DLG2: variants seen among roughly 807,000 people sequenced by gnomAD.
The protein encoded by DLG2 is discs large MAGUK scaffold protein 2, also known as disks large homolog 2.
A neutral mutation model predicts 132.5 loss-of-function variants in DLG2; 45 were observed. The ratio of observed to expected loss-of-function variants is 0.34; its 90% CI spans 0.27 to 0.44. DLG2 has a LOEUF of 0.44. Ranked by LOEUF, DLG2 falls within the 20% of genes least tolerant of loss-of-function variation. DLG2 has a pLI of 1.00. For missense variants in DLG2, 1,045 were observed against 1,196.9 expected (o/e 0.87, Z 1.87); for synonymous variants, 424 against 419.6 (o/e 1.01, Z -0.13).
rs138405875 is a variant in DLG2, at chr11:83,819,668, T to C, written c.1722+13946A>G. Among the ~76,000 whole-genome samples, 176 of 152,180 alleles carry C rather than the reference T, an allele frequency of 1.2e-3. 3 individuals carry two copies. In the East Asian group the frequency reaches 0.027, roughly 24 times the overall value. ...ATAGGCAATAAATGTTCCTGGAATA[T>C]GTTTTACAGCAACATTGGTCCATCA... On this transcript the variant is annotated intron_variant, in intron 17 of 27. Transcript: ENST00000376104.
At chr11:85,268,687 T>C (rs569563671) in intron 4 of DLG2, among the ~76,000 whole-genome samples, 1 of 152,222 alleles carries the variant, frequency 6.6e-6, no homozygotes, top group Non-Finnish European at 1.5e-5. Flanking sequence ...TGACTTTATG[T>C]CAGGTAGCAC....
chr11:85,173,179 C>T (rs998767098), intron 4 of DLG2, among the ~76,000 whole-genome samples: 10 of 152,034 alleles, frequency 6.6e-5, no homozygotes, highest in Non-Finnish European at 1.3e-4. Context: ...GTCAGATTCT[C>T]CTAGGTTGAA....
chr11:83,743,418 G>A (rs1377657033), intron 18 of DLG2, among the ~76,000 whole-genome samples: 1 of 107,936 alleles, frequency 9.3e-6, no homozygotes, highest in Non-Finnish European at 1.7e-5. Context: ...GTACATAACA[G>A]TGGGCAGGCC....
intron 7 of DLG2, among the ~76,000 whole-genome samples, chr11:84,305,601 C>T (rs367934755): frequency 6.6e-6 from 1 of 152,070 alleles, no homozygotes; most frequent in Non-Finnish European, 1.5e-5. Flanking sequence ...AGCTAGTTAT[C>T]TGTCTATCTA....
chr11:83,844,547 C>CAAAAAAAAAAAAAAAAAAAAAAAAAA lies in DLG2; in HGVS notation c.1566-10778_1566-10777insTTTTTTTTTTTTTTTTTTTTTTTTTT, dbSNP rs59755957. ...TAGGCAACAGAGTGAGAGTCTGTAT[C>CAAAAAAAAAAAAAAAAAAAAAAAAAA]AAAAAAAAAAAAAAAAAAAAAAAGG... is the stretch of plus-strand genomic sequence containing the variant. On this transcript the variant is annotated intron_variant, in intron 16 of 27. Coordinates refer to ENST00000376104, the MANE Select transcript of DLG2 (RefSeq NM_001142699.3). Among the ~76,000 whole-genome samples, 3 of 70,658 alleles carry CAAAAAAAAAAAAAAAAAAAAAAAAAA rather than the reference C, an allele frequency of 4.2e-5. 1 individual carries two copies. Among genetic ancestry groups the CAAAAAAAAAAAAAAAAAAAAAAAAAA allele is most frequent in the Admixed American group, 4.1e-4 (2 of 4,846 alleles). The allele number at this position is 70,658 out of a possible 152,430, so 46.4% of individuals were successfully genotyped here.
chr11:85,227,280 C>T (rs928101973), intron 4 of DLG2, among the ~76,000 whole-genome samples: 9 of 151,894 alleles, frequency 5.9e-5, no homozygotes, highest in African/African-American at 2.2e-4. Context: ...ATAAAGATTA[C>T]CAGTTTGTAA....
intron 19 of DLG2, among the ~76,000 whole-genome samples, chr11:83,606,020 T>C (rs928784349): frequency 6.6e-6 from 1 of 152,252 alleles, no homozygotes; most frequent in Non-Finnish European, 1.5e-5. Context: ...ATACTAGTTG[T>C]TATGCTACTT....
At chr11:84,754,680 CA>C (rs1361309131) in intron 6 of DLG2, among the ~76,000 whole-genome samples, 1 of 152,060 alleles carries the variant, frequency 6.6e-6, no homozygotes, top group Non-Finnish European at 1.5e-5. Context: ...TTAAGACAGT[CA>C]AAATACTCCT....
rs559246363 is a variant in DLG2, at chr11:84,593,117, T to G, written c.358-58386A>C. 3.1e-3 allele frequency among the ~76,000 whole-genome samples: 449 copies of G among 144,142 alleles called. 9 individuals carry two copies. The highest frequency in any genetic ancestry group is 0.028 in the Admixed American group (406 of 14,538). The allele number at this position is 144,142 out of a possible 152,430, so 94.6% of individuals were successfully genotyped here. On this transcript the variant is annotated intron_variant, in intron 6 of 27. Transcript: ENST00000376104. ...CTGGGCAACAGAGCGAGACTCCATCTCCAAAAAAAAAAAAAAGTCAGGAAA... is the reference window on the plus strand; with the variant it reads ...CTGGGCAACAGAGCGAGACTCCATCGCCAAAAAAAAAAAAAAGTCAGGAAA...
intron 11 of DLG2, among the ~76,000 whole-genome samples, chr11:84,031,843 A>T (rs2095702859): frequency 6.6e-6 from 1 of 152,182 alleles, no homozygotes; most frequent in African/African-American, 2.4e-5. Context: ...CATTTTTCCA[A>T]CAGTGTGTGT....
At chr11:84,701,375 T>C (rs1443791516) in intron 6 of DLG2, among the ~76,000 whole-genome samples, 2 of 151,622 alleles carry the variant, frequency 1.3e-5, no homozygotes, top group Non-Finnish European at 3.0e-5. Context: ...GACATGATAG[T>C]GTAGGTACTT....
rs139859470 is a variant in DLG2 at position 83,790,703 on chromosome 11, G to A, written c.1723-3911C>T. On this transcript the variant is annotated intron_variant, in intron 17 of 27. Coordinates refer to ENST00000376104, the MANE Select transcript of DLG2 (RefSeq NM_001142699.3). ...TGGGGCTCTGCAACATGACTCCCGT[G>A]GTGCCAGTCAACAACCCATTCATGG... The A allele has an allele frequency of 2.6e-3, 2,114 of 809,392 alleles. 8 individuals are homozygous for A. Among genetic ancestry groups the A allele is most frequent in the Non-Finnish European group, 3.9e-3 (1,751 of 448,980 alleles). The allele number at this position is 809,392 out of a possible 1,614,324, so 50.1% of individuals were successfully genotyped here. A position where few individuals can be genotyped will look rare whatever the true frequency, so the allele number is the denominator to read the frequency against.
intron 7 of DLG2, among the ~76,000 whole-genome samples, chr11:84,372,624 GT>G (rs563356184): frequency 1.9e-3 from 296 of 152,214 alleles, no homozygotes; most frequent in African/African-American, 6.9e-3. Context: ...CACATTTTCT[GT>G]TTTTGATTTA....
intron 3 of DLG2, among the ~76,000 whole-genome samples, chr11:85,346,421 C>G (rs2082852960): frequency 6.6e-6 from 1 of 152,056 alleles, no homozygotes; most frequent in South Asian, 2.1e-4. Flanking sequence ...ATCTCCTGAC[C>G]TCGTGATCTG....
intron 4 of DLG2, among the ~76,000 whole-genome samples, chr11:85,270,489 G>T (rs1340351931): frequency 6.6e-6 from 1 of 152,192 alleles, no homozygotes; most frequent in Non-Finnish European, 1.5e-5. Context: ...ACAGTGGGGT[G>T]CTGCTGAAAA....
chr11:84,621,822 T>C (rs2099614488), intron 6 of DLG2, among the ~76,000 whole-genome samples: 1 of 152,056 alleles, frequency 6.6e-6, no homozygotes, highest in African/African-American at 2.4e-5. Context: ...TGTAAGATGC[T>C]TGGGGGAAGG....
chr11:84,761,247 T>C (rs2067589063), intron 6 of DLG2, among the ~76,000 whole-genome samples: 1 of 152,228 alleles, frequency 6.6e-6, no homozygotes. Context: ...TTTTTACCCG[T>C]GATGGTGTAA....
chr11:84,908,536 A>G (rs780291418), intron 6 of DLG2, among the ~76,000 whole-genome samples: 6 of 152,054 alleles, frequency 3.9e-5, no homozygotes, highest in Non-Finnish European at 8.8e-5. Flanking sequence ...ATTTATTGTT[A>G]TGGCTGAATT....
chr11:83,929,487 G>A (rs1215190069), intron 15 of DLG2, among the ~76,000 whole-genome samples: 3 of 152,192 alleles, frequency 2.0e-5, no homozygotes, highest in African/African-American at 2.4e-5. Flanking sequence ...ACTATGAAAA[G>A]AGGAGGTCTT....
Sources: allele counts gnomAD v4.1 joint callset (sites outside exome capture counted in the v4.1 genomes callset), GRCh38; gene constraint gnomAD v4.1.1; transcripts MANE v1.5; gene names NCBI Gene and HGNC (gene_info 2026-07-23, HGNC 2026-07-21).